DUOX1: variants seen among roughly 807,000 people sequenced by gnomAD.
The protein encoded by DUOX1 is NADPH thyroid oxidase 1.
A neutral mutation model predicts 181.8 loss-of-function variants in DUOX1; 134 were observed. That is an observed-to-expected ratio of 0.74 (90% CI 0.64 to 0.85). The LOEUF is 0.85. Ranked by LOEUF, DUOX1 falls within the 40% of genes least tolerant of loss-of-function variation. The probability of loss-of-function intolerance (pLI) is 0.00; values close to 1 mark genes in which losing one functional copy is unlikely to be tolerated. For synonymous variants in DUOX1, 798 were observed against 832.5 expected (o/e 0.96, Z 0.71); for missense variants, 1,814 against 2,064.4 (o/e 0.88, Z 2.35).
At position 45,135,207 on chromosome 15, in the gene DUOX1, C is replaced by G. The variant is rs764911806; in HGVS notation, c.411C>G (p.Asp137Glu). Reference protein sequence around the residue: ...IPPGDPMFDPDQRGDVVLPFQ... With the variant: ...IPPGDPMFDPEQRGDVVLPFQ... ...CCGGAGACCCCATGTTCGACCCCGA[C>G]CAGCGCGGGGACGTGGTGCTGCCCT... is the stretch of plus-strand genomic sequence containing the variant. Residue 137 changes from aspartate (D) to glutamate (E), a missense_variant, in exon 5 of 34, where the codon GAC becomes GAG. Transcript: ENST00000389037. 4.4e-5 allele frequency: 71 copies of G among 1,613,650 alleles called. No homozygotes were observed. Among genetic ancestry groups the G allele is most frequent in the Middle Eastern group, 1.6e-4 (1 of 6,084 alleles).
rs754505870 is a variant in DUOX1, at chr15:45,131,930, G to A, written c.-37G>A. 1.2e-6 allele frequency: 2 copies of A among 1,606,242 alleles called. No individual in the cohort carries two copies. Among genetic ancestry groups the A allele is most frequent in the South Asian group, 1.1e-5 (1 of 90,902 alleles). On this transcript the variant is annotated 5_prime_UTR_variant, in exon 2 of 34. Transcript: ENST00000389037. Reference sequence around the variant, plus strand: ...TGTCTTTTTCTAGGGTCTCCATTTTGGGACATTCTAATCCCTGAGCCCCTA... The same window carrying A: ...TGTCTTTTTCTAGGGTCTCCATTTTAGGACATTCTAATCCCTGAGCCCCTA...
In DUOX1 at chr15:45,165,005, TC is replaced by T; in HGVS notation, c.*107del. ...CTGGCTGCCTCAGCCTTCTCTGATT[TC>T]CCACCTCCCAACCTTGTTCCAGGTG... On this transcript the variant is annotated 3_prime_UTR_variant, in exon 34 of 34. Transcript: ENST00000389037. 1.5e-6 allele frequency: 2 copies of T among 1,331,352 alleles called. No individual in the cohort carries two copies. The highest frequency in any genetic ancestry group is 2.1e-6 in the Non-Finnish European group (2 of 946,862). 82.5% of individuals were successfully genotyped at this position (1,331,352 alleles called of 1,614,324 possible).
chr15:45,138,092 G>GTT (rs1896381562), intron 10 of DUOX1, 78 bp downstream of exon 10: 1 of 1,026,832 alleles, frequency 9.7e-7, no homozygotes, highest in East Asian at 2.9e-5. Context: ...GTGTGTGTGT[G>GTT]TGTGTGTGTG....
intron 17 of DUOX1, 134 bp downstream of exon 17, chr15:45,144,369 G>A (rs1896594742): frequency 1.1e-6 from 1 of 929,952 alleles, no homozygotes; most frequent in South Asian, 1.5e-5. Flanking sequence ...CTTGTTCCCA[G>A]GTGGAGTACC....
chr15:45,156,549 C>T (rs1896974404), intron 28 of DUOX1, among the ~76,000 whole-genome samples: 1 of 152,204 alleles, frequency 6.6e-6, no homozygotes, highest in South Asian at 2.1e-4. Flanking sequence ...TCTCCTGTCT[C>T]AGCCTCCTGA....
rs866613193 is a variant in DUOX1 at position 45,151,914 on chromosome 15, C to T, written c.3055C>T (p.Arg1019Ter). 7 of 1,614,052 alleles carry T rather than the reference C, an allele frequency of 4.3e-6. No individual in the cohort carries two copies. The highest frequency in any genetic ancestry group is 3.3e-5 in the Admixed American group (2 of 60,014). ...FQPLLFTEAHREKFQRSCLHQ... is the reference protein window; with the variant it reads ...FQPLLFTEAH Reference sequence around the variant, plus strand: ...GCCCTTGCTGTTCACTGAGGCGCACCGAGAGAAGTTCCAACGCAGCTGTCT... The same window carrying T: ...GCCCTTGCTGTTCACTGAGGCGCACTGAGAGAAGTTCCAACGCAGCTGTCT... Residue 1019 changes from arginine to a stop codon, truncating the protein, a stop_gained, in exon 24 of 34, where the codon CGA becomes TGA. Transcript: ENST00000389037. LOFTEE classifies it high-confidence loss of function.
intron 28 of DUOX1, among the ~76,000 whole-genome samples, chr15:45,157,843 G>GA (rs892011698): frequency 6.6e-6 from 1 of 151,706 alleles, no homozygotes; most frequent in Non-Finnish European, 1.5e-5. Context: ...AATAAAAAAG[G>GA]AAAAAAGAAA....
intron 21 of DUOX1, chr15:45,150,391 A>G (rs1896768350): frequency 1.9e-6 from 1 of 532,878 alleles, no homozygotes; most frequent in Admixed American, 3.3e-5. Flanking sequence ...GATGATGGAC[A>G]CACTTTAGGG....
At chr15:45,152,567 G>C in intron 25 of DUOX1, 51 bp downstream of exon 25, 1 of 1,519,942 alleles carries the variant, frequency 6.6e-7, no homozygotes, top group Non-Finnish European at 9.1e-7. Flanking sequence ...CGCCCCCGCT[G>C]ACTTCCCCTC....
intron 28 of DUOX1, among the ~76,000 whole-genome samples, chr15:45,159,445 G>C (rs1897044797): frequency 6.6e-6 from 1 of 152,238 alleles, no homozygotes; most frequent in Non-Finnish European, 1.5e-5. Context: ...AGGCTTCTAA[G>C]AGTAGGAGCC....
chr15:45,145,610 A>C (rs916916677), intron 18 of DUOX1, among the ~76,000 whole-genome samples: 3 of 152,154 alleles, frequency 2.0e-5, no homozygotes, highest in African/African-American at 7.2e-5. Context: ...GGAGTGGAGA[A>C]ACATGGTAGA....
intron 16 of DUOX1, among the ~76,000 whole-genome samples, chr15:45,143,666 C>CTCTG (rs1444641714): frequency 6.6e-6 from 1 of 152,132 alleles, no homozygotes; most frequent in Non-Finnish European, 1.5e-5. Flanking sequence ...AATCTTGGTT[C>CTCTG]CACCACCACT....
At chr15:45,149,467 G>A (rs1896750135) in intron 21 of DUOX1, among the ~76,000 whole-genome samples, 1 of 152,226 alleles carries the variant, frequency 6.6e-6, no homozygotes, top group Admixed American at 6.5e-5. Context: ...ACCAGGCTTG[G>A]GGATTGAGGA....
At chr15:45,163,729 G>C (rs942315058) in intron 32 of DUOX1, 42 bp downstream of exon 32, 1 of 1,613,632 alleles carries the variant, frequency 6.2e-7, no homozygotes. Flanking sequence ...GCCACTGTCT[G>C]AGCTAGGAAT....
At chr15:45,136,230 T>G in intron 7 of DUOX1, 120 bp from the exon 8 acceptor site, 1 of 1,500,454 alleles carries the variant, frequency 6.7e-7, no homozygotes, top group Non-Finnish European at 9.1e-7. Context: ...TTGAGTTGCT[T>G]CTCCCATGAC....
At chr15:45,152,217 C>A in intron 24 of DUOX1, 69 bp from the exon 25 acceptor site, 1 of 1,504,634 alleles carries the variant, frequency 6.6e-7, no homozygotes, top group Non-Finnish European at 9.0e-7. Context: ...CGGCCAGGGC[C>A]TACCGCCCCT....
rs1555421237 is a variant in DUOX1, at chr15:45,138,105, TGA to T, written c.1113+93_1113+94del. ...GTGTGTGTGTGTGTGTGTGTGTGTG[TGA>T]GTGCATGGTGAAAGTGGTCAGTAAG... On this transcript the variant is annotated intron_variant, in intron 10 of 33. Transcript: ENST00000389037. 120 of 1,023,524 alleles carry T rather than the reference TGA, an allele frequency of 1.2e-4. 2 individuals carry two copies. Among genetic ancestry groups the T allele is most frequent in the East Asian group, 1.1e-3 (36 of 33,330 alleles). The allele number at this position is 1,023,524 out of a possible 1,614,324, so 63.4% of individuals were successfully genotyped here.
rs533078646 is a variant in DUOX1 at position 45,138,893 on chromosome 15, C to G, written c.1114-173C>G. 1.9e-5 allele frequency: 12 copies of G among 618,850 alleles called. No homozygotes were observed. The African/African-American group carries it at 2.0e-4, about 10-fold the overall frequency. The allele number at this position is 618,850 out of a possible 1,614,324, so 38.3% of individuals were successfully genotyped here. A position where few individuals can be genotyped will look rare whatever the true frequency, so the allele number is the denominator to read the frequency against. On this transcript the variant is annotated intron_variant, in intron 10 of 33. Transcript: ENST00000389037. ...AGGCAGCACTGACAGAGGGGACACCCCTCACCCTGAGTGGGGAATCAACCT... is the reference window on the plus strand; with the variant it reads ...AGGCAGCACTGACAGAGGGGACACCGCTCACCCTGAGTGGGGAATCAACCT...
At chr15:45,162,048 C>T (rs887207890) in intron 30 of DUOX1, 78 bp downstream of exon 30, 304 of 1,470,512 alleles carry the variant, frequency 2.1e-4, no homozygotes, top group Non-Finnish European at 2.5e-4. Flanking sequence ...CTAGACTCCC[C>T]GCTCTGTGCC....
Sources: allele counts gnomAD v4.1 joint callset (sites outside exome capture counted in the v4.1 genomes callset), GRCh38; gene constraint gnomAD v4.1.1; transcripts MANE v1.5; gene names NCBI Gene and HGNC (gene_info 2026-07-23, HGNC 2026-07-21).